The following POLN variants were observed in gnomAD, a reference collection of about 807,000 sequenced individuals.
The protein encoded by POLN is DNA polymerase nu.
POLN carries 108 observed loss-of-function variants against 113.5 expected under a neutral mutation model. The observed-to-expected ratio is 0.95, with a 90% CI of 0.81 to 1.12. POLN has a LOEUF of 1.12. Ranked by LOEUF, POLN falls within the 50% of genes most tolerant of loss-of-function variation. The pLI, the probability that POLN is intolerant of heterozygous loss-of-function variation, is 0.00. For missense variants in POLN, 1,097 were observed against 1,077.1 expected (o/e 1.02, Z -0.26); for synonymous variants, 386 against 391.5 (o/e 0.99, Z 0.17).
At chr4:2,172,430 C>T (rs1342373790) in intron 11 of POLN, among the ~76,000 whole-genome samples, 1 of 152,088 alleles carries the variant, frequency 6.6e-6, no homozygotes, top group East Asian at 1.9e-4. Context: ...TGTGTATTCG[C>T]CCTTAGCTTC....
chr4:2,161,076 G>C (rs189069133), intron 13 of POLN, among the ~76,000 whole-genome samples: 9 of 152,278 alleles, frequency 5.9e-5, no homozygotes, highest in Non-Finnish European at 8.8e-5. Flanking sequence ...CCAGGCTCGA[G>C]TGCAGTGGTA....
rs768011623 is a variant in POLN, at chr4:2,072,251, C to T, written c.2566G>A (p.Val856Met). The T allele has an allele frequency of 1.3e-6, 2 of 1,597,952 alleles. No individual in the cohort carries two copies. Among genetic ancestry groups the T allele is most frequent in the East Asian group, 4.5e-5 (2 of 44,574 alleles). Residue 856 changes from valine (V) to methionine (M), a missense_variant, in exon 26 of 26, where the codon GTG becomes ATG. Transcript: ENST00000511885. Reference protein sequence around the residue: ...LSAGRSWGHLVPLQEAWGPPP... With the variant: ...LSAGRSWGHLMPLQEAWGPPP... ...GGGCCCCAGGCCTCCTGCAGTGGCA[C>T]CAGGTGTCCCCATGAGCGGCCGGCA...
chr4:2,179,257 G>C (rs1733073037), intron 8 of POLN, 51 bp downstream of exon 8: 1 of 1,507,710 alleles, frequency 6.6e-7, no homozygotes. Context: ...AAAGCTTCCA[G>C]AAAAAATAGG....
At chr4:2,158,350 C>T (rs1261572171) in intron 14 of POLN, among the ~76,000 whole-genome samples, 1 of 152,134 alleles carries the variant, frequency 6.6e-6, no homozygotes, top group Non-Finnish European at 1.5e-5. Flanking sequence ...CCTGGAATGA[C>T]CTTAGGTGGT....
At chr4:2,089,478 T>C in intron 20 of POLN, 1 of 1,407,880 alleles carries the variant, frequency 7.1e-7, no homozygotes, top group Non-Finnish European at 9.7e-7. Context: ...CCCGAAACAG[T>C]TCAGTTAGGG....
chr4:2,162,241 C>T (rs991401898), intron 13 of POLN, among the ~76,000 whole-genome samples: 1 of 152,162 alleles, frequency 6.6e-6, no homozygotes, highest in Non-Finnish European at 1.5e-5. Context: ...CAGCTTCACT[C>T]CTGAAGCCAG....
At chr4:2,153,799 T>C (rs1732353131) in intron 16 of POLN, among the ~76,000 whole-genome samples, 1 of 151,934 alleles carries the variant, frequency 6.6e-6, no homozygotes, top group South Asian at 2.1e-4. Flanking sequence ...TAAGCCAGAA[T>C]GTTCTCGATC....
At chr4:2,223,452 G>A (rs1734311429) in intron 3 of POLN, among the ~76,000 whole-genome samples, 1 of 152,196 alleles carries the variant, frequency 6.6e-6, no homozygotes, top group South Asian at 2.1e-4. Context: ...AGCTCCTTAT[G>A]AGAATCTACC....
At chr4:2,183,012 T>A (rs13126455) in intron 7 of POLN, among the ~76,000 whole-genome samples, 2,925 of 152,012 alleles carry the variant, frequency 0.019, 57 homozygotes, top group Non-Finnish European at 0.029. Flanking sequence ...AACAGACATT[T>A]CCCCAAAAAA....
intron 19 of POLN, among the ~76,000 whole-genome samples, chr4:2,115,940 TAGGAGACC>T: frequency 6.6e-6 from 1 of 152,234 alleles, no homozygotes; most frequent in African/African-American, 2.4e-5. Flanking sequence ...TTTCAGACGA[TAGGAGACC>T]CATGTGTTTC....
intron 16 of POLN, among the ~76,000 whole-genome samples, chr4:2,134,659 T>C (rs1327796745): frequency 6.6e-6 from 1 of 152,166 alleles, no homozygotes; most frequent in Non-Finnish European, 1.5e-5. Flanking sequence ...CAAGCAGACT[T>C]CCTCCTTTCC....
chr4:2,239,568 G>A (rs1333361171), intron 2 of POLN, among the ~76,000 whole-genome samples: 2 of 152,160 alleles, frequency 1.3e-5, no homozygotes, highest in Non-Finnish European at 2.9e-5. Flanking sequence ...CTCCAAGAGT[G>A]CAGACAGACA....
intron 2 of POLN, chr4:2,240,355 A>T (rs780542554): frequency 6.2e-7 from 1 of 1,602,100 alleles, no homozygotes; most frequent in South Asian, 1.1e-5. Context: ...TCCAAGGAAA[A>T]TTGCGATAAA....
chr4:2,125,465 G>C (rs1731555649), intron 19 of POLN, among the ~76,000 whole-genome samples: 1 of 152,184 alleles, frequency 6.6e-6, no homozygotes, highest in Non-Finnish European at 1.5e-5. Flanking sequence ...AAAAAAGTCT[G>C]GAGCAACAAG....
chr4:2,072,880 C>T lies in POLN; in HGVS notation c.2517+88G>A, dbSNP rs887468339. The T allele has an allele frequency of 3.5e-6, 5 of 1,412,556 alleles. No individual in the cohort carries two copies. In the Admixed American group the frequency reaches 8.4e-5, roughly 24 times the overall value. 87.5% of individuals were successfully genotyped at this position (1,412,556 alleles called of 1,614,324 possible). On this transcript the variant is annotated intron_variant, in intron 25 of 25. Transcript: ENST00000511885. Reference sequence around the variant, plus strand: ...GGCCATCTCGGGGCTGGGGCTGCACCCTTTGGCCTGGCTCTTTTGCCCTGG... The same window carrying T: ...GGCCATCTCGGGGCTGGGGCTGCACTCTTTGGCCTGGCTCTTTTGCCCTGG...
intron 7 of POLN, among the ~76,000 whole-genome samples, chr4:2,181,472 A>G (rs1184777095): frequency 6.6e-6 from 1 of 151,722 alleles, no homozygotes; most frequent in African/African-American, 2.4e-5. Flanking sequence ...TTTTTTAAAT[A>G]AAAAAGAATC....
At position 2,213,047 on chromosome 4, in the gene POLN, CT is replaced by C. The variant is rs760971697; in HGVS notation, c.212del (p.Lys71ArgfsTer6). 1.1e-5 allele frequency: 18 copies of C among 1,597,150 alleles called. No individual in the cohort carries two copies. Among genetic ancestry groups the C allele is most frequent in the African/African-American group, 8.1e-5 (6 of 74,212 alleles). On this transcript the variant is annotated frameshift_variant and splice_region_variant, in exon 4 of 26. Coordinates refer to ENST00000511885, the MANE Select transcript of POLN (RefSeq NM_181808.4). LOFTEE classifies it high-confidence loss of function. ...ATTACTCATATGTGCAATGATTTAC[CT>C]TTTTTTCTGGTGATTGAGTCTTCCT... ...EDRKTQSPEK[K>X]DLKSLRSQTS...
At chr4:2,149,610 G>C (rs559241925) in intron 16 of POLN, among the ~76,000 whole-genome samples, 6 of 152,198 alleles carry the variant, frequency 3.9e-5, no homozygotes, top group African/African-American at 1.4e-4. Flanking sequence ...AGGATAGCAA[G>C]ACCCATCTCT....
At chr4:2,206,475 G>C (rs904179669) in intron 5 of POLN, among the ~76,000 whole-genome samples, 2 of 152,208 alleles carry the variant, frequency 1.3e-5, no homozygotes, top group East Asian at 1.9e-4. Flanking sequence ...CACAGGGTGG[G>C]AGAAAATTTT....
Sources: gnomAD v4.1 joint callset for allele counts (sites outside exome capture counted in the v4.1 genomes callset) on GRCh38, gnomAD v4.1.1 for gene constraint, MANE v1.5 for transcripts, NCBI Gene and HGNC (gene_info 2026-07-23, HGNC 2026-07-21) for gene names.